The following LRP2BP variants were observed in gnomAD, a reference collection of about 807,000 sequenced individuals.
LRP2BP encodes the protein LRP2 binding protein.
Under a neutral mutation model 45.2 loss-of-function variants are expected in LRP2BP, and 38 were observed. The ratio of observed to expected loss-of-function variants is 0.84; its 90% CI spans 0.65 to 1.10. The LOEUF (loss-of-function observed/expected upper bound fraction) is 1.10. LRP2BP is among the 50% of genes least tolerant of loss of function. The pLI is 0.00. For synonymous variants in LRP2BP, 153 were observed against 153.9 expected, an observed-to-expected ratio of 0.99 and a Z score of 0.04; for missense variants, 385 against 418.9, an observed-to-expected ratio of 0.92 and a Z score of 0.71.
At chr4:185,390,919 T>G (rs924988049) in intron 1 of LRP2BP, 2 of 152,228 alleles carry the variant, frequency 1.3e-5, no homozygotes, top group Admixed American at 1.3e-4. Context: ...TTGCCACAAC[T>G]AGGAAACCAA....
At chr4:185,375,581 T>C in intron 4 of LRP2BP, 32 bp downstream of exon 4, 1 of 1,217,642 alleles carries the variant, frequency 8.2e-7, no homozygotes, top group South Asian at 1.9e-5. Flanking sequence ...GACAATGAAA[T>C]CTTAACCACT....
chr4:185,375,095 A>G (rs1217886156), intron 4 of LRP2BP, among the ~76,000 whole-genome samples: 2 of 151,850 alleles, frequency 1.3e-5, no homozygotes, highest in Admixed American at 6.6e-5. Context: ...AGAAAATAAT[A>G]TTGGACAATC....
rs559309014 is a variant in LRP2BP, at chr4:185,394,979, A to T, written c.-222T>A. ...GAAACTCCAGTTACTTGCCAGTAAG[A>T]TATTGTCCCCCAAATGTACTTATCC... On this transcript the variant is annotated 5_prime_UTR_variant, in exon 1 of 9. An upstream open reading frame in the 5' UTR gains an earlier in-frame stop. Coordinates refer to ENST00000505916, the MANE Select transcript of LRP2BP (RefSeq NM_001377440.1). 21 of 985,436 alleles carry T rather than the reference A, an allele frequency of 2.1e-5. No homozygotes were observed. The highest frequency in any genetic ancestry group is 2.5e-5 in the Non-Finnish European group (21 of 829,948). The allele number at this position is 985,436 out of a possible 1,614,324, so 61.0% of individuals were successfully genotyped here.
intron 7 of LRP2BP, chr4:185,371,167 C>T (rs960197805): frequency 3.3e-5 from 6 of 180,854 alleles, no homozygotes; most frequent in Non-Finnish European, 5.9e-5. Flanking sequence ...CTTTGGATCA[C>T]GTATGGAAAC....
Position 185,385,290 on chromosome 4 carries a change from T to TAAATACACTCC in LRP2BP, c.-21-7094_-21-7084dup, listed in dbSNP as rs528150009. Among the ~76,000 whole-genome samples the TAAATACACTCC allele has an allele frequency of 3.2e-3, 493 of 152,232 alleles. 1 individual carries two copies. The highest frequency in any genetic ancestry group is 5.7e-3 in the Non-Finnish European group (388 of 68,010). ...TCTGGAGCCGATACTGTTACAGTTA[T>TAAATACACTCC]AAATACACTCCGGGATGATTTACCC... On this transcript the variant is annotated intron_variant, in intron 1 of 8. Coordinates refer to ENST00000505916, the MANE Select transcript of LRP2BP (RefSeq NM_001377440.1).
In LRP2BP at chr4:185,373,128, A is replaced by G. The variant is rs367908725; in HGVS notation, c.580-49T>C. ...TTGTATTTGTGATCCACTAGATGAAATTATAAGGGAATACTAGACAGAAAA... is the reference window on the plus strand; with the variant it reads ...TTGTATTTGTGATCCACTAGATGAAGTTATAAGGGAATACTAGACAGAAAA... On this transcript the variant is annotated intron_variant, in intron 6 of 8. Coordinates refer to ENST00000505916, the MANE Select transcript of LRP2BP (RefSeq NM_001377440.1). 1.0e-5 allele frequency: 15 copies of G among 1,497,254 alleles called. No individual in the cohort carries two copies. The African/African-American group carries it at 2.1e-4, about 21-fold the overall frequency. 92.7% of individuals were successfully genotyped at this position (1,497,254 alleles called of 1,614,324 possible). A position where few individuals can be genotyped will look rare whatever the true frequency, so the allele number is the denominator to read the frequency against.
At chr4:185,396,786 G>A, upstream of LRP2BP, 1 of 935,394 alleles carries the variant, frequency 1.1e-6, no homozygotes, top group Non-Finnish European at 1.7e-6. Context: ...CGGCTGCCAA[G>A]GGCCGGCCCG....
Position 185,395,685 on chromosome 4 carries a change from T to G in LRP2BP, c.-928A>C. The stretch of plus-strand genomic sequence containing the variant: ...GTAACTAAGTATAACAACATAAACT[T>G]GCGATTGCAAATTTTATGGCTCTTA... On this transcript the variant is annotated 5_prime_UTR_variant, in exon 1 of 9. Coordinates refer to ENST00000505916, the MANE Select transcript of LRP2BP (RefSeq NM_001377440.1). The G allele has an allele frequency of 3.0e-6, 3 of 985,304 alleles. No homozygotes were observed. Among genetic ancestry groups the G allele is most frequent in the Non-Finnish European group, 1.2e-6 (1 of 829,814 alleles). 61.0% of individuals were successfully genotyped at this position (985,304 alleles called of 1,614,324 possible).
At chr4:185,383,413 G>A (rs1253149893) in intron 1 of LRP2BP, among the ~76,000 whole-genome samples, 1 of 152,228 alleles carries the variant, frequency 6.6e-6, no homozygotes, top group Admixed American at 6.5e-5. Flanking sequence ...CCTGGAGTTT[G>A]AGGCTGCAAT....
At chr4:185,376,287 CT>C (rs980467005) in intron 3 of LRP2BP, among the ~76,000 whole-genome samples, 1 of 151,626 alleles carries the variant, frequency 6.6e-6, no homozygotes, top group African/African-American at 2.4e-5. Context: ...TACAAACATA[CT>C]TTTTTTTGAG....
chr4:185,379,077 A>G, intron 1 of LRP2BP: 1 of 608,626 alleles, frequency 1.6e-6, no homozygotes, highest in Non-Finnish European at 2.1e-6. Context: ...AAATCACTGA[A>G]TTATCTTTGT....
rs937882793 is a variant in LRP2BP, at chr4:185,395,191, CGTAT to C, written c.-438_-435del. On this transcript the variant is annotated 5_prime_UTR_variant, in exon 1 of 9. Transcript: ENST00000505916. ...AAATTTCCTTTCCTTATGAAATTTA[CGTAT>C]GTAACAGGAAGTTAAAAAATAACTA... is the stretch of plus-strand genomic sequence containing the variant. 40 of 985,292 alleles carry C rather than the reference CGTAT, an allele frequency of 4.1e-5. No homozygotes were observed. Among genetic ancestry groups the C allele is most frequent in the African/African-American group, 8.7e-5 (5 of 57,302 alleles). 61.0% of individuals were successfully genotyped at this position (985,292 alleles called of 1,614,324 possible).
Position 185,373,033 on chromosome 4 carries a change from G to A in LRP2BP, c.626C>T (p.Ser209Phe), listed in dbSNP as rs746701437. The A allele has an allele frequency of 6.2e-7, 1 of 1,612,344 alleles. No homozygotes were observed. The highest frequency in any genetic ancestry group is 8.5e-7 in the Non-Finnish European group (1 of 1,178,484). ...GTACATGAGCCCAAGTGCACCCTGG[G>A]ACTCCAGATTCCCATTGCCACATGC... ...SEACGNGNLE[S>F]QGALGLMYLY... is the part of the protein sequence containing the mutation. Residue 209 changes from serine (S) to phenylalanine (F), a missense_variant, in exon 7 of 9, where the codon TCC (serine) becomes TTC (phenylalanine). Ser to Phe is a radical substitution (Grantham distance 155). Coordinates refer to ENST00000505916, the MANE Select transcript of LRP2BP (RefSeq NM_001377440.1).
At chr4:185,392,235 G>A (rs1463621384) in intron 1 of LRP2BP, among the ~76,000 whole-genome samples, 3 of 152,148 alleles carry the variant, frequency 2.0e-5, no homozygotes, top group Non-Finnish European at 4.4e-5. Flanking sequence ...AGTTCTCCAA[G>A]TTCTTATCAC....
chr4:185,377,803 C>T (rs867134057), intron 2 of LRP2BP: 1 of 303,072 alleles, frequency 3.3e-6, no homozygotes, highest in East Asian at 6.5e-5. Flanking sequence ...GCATTGTTCT[C>T]TTTAACAAAC....
upstream of LRP2BP, chr4:185,395,995 GC>G (rs1405060814): frequency 1.3e-6 from 1 of 779,984 alleles, no homozygotes; most frequent in Admixed American, 6.3e-5. Flanking sequence ...AGTGACGCAC[GC>G]CCGACAGCAC....
chr4:185,379,286 T>C (rs1410604144), intron 1 of LRP2BP, among the ~76,000 whole-genome samples: 1 of 152,202 alleles, frequency 6.6e-6, no homozygotes. Flanking sequence ...GGTGAAGCAA[T>C]ATTAGGTAAG....
intron 1 of LRP2BP, among the ~76,000 whole-genome samples, chr4:185,384,248 T>C (rs937756463): frequency 6.6e-6 from 1 of 152,212 alleles, no homozygotes; most frequent in African/African-American, 2.4e-5. Context: ...AACAAGGCAC[T>C]GTCCTGAAAG....
At chr4:185,392,863 T>A (rs564015705) in intron 1 of LRP2BP, among the ~76,000 whole-genome samples, 13 of 152,352 alleles carry the variant, frequency 8.5e-5, no homozygotes, top group African/African-American at 2.6e-4. Flanking sequence ...TTGACTTCAA[T>A]GCTTTGGCGT....
Sources: gnomAD v4.1 joint callset for allele counts (sites outside exome capture counted in the v4.1 genomes callset) on GRCh38, gnomAD v4.1.1 for gene constraint, MANE v1.5 for transcripts, NCBI Gene and HGNC (gene_info 2026-07-23, HGNC 2026-07-21) for gene names.